ERGIC2: variants seen among roughly 807,000 people sequenced by gnomAD.
ERGIC2 encodes the protein endoplasmic reticulum-Golgi intermediate compartment protein 2.
In ERGIC2, 31 loss-of-function variants were observed where a neutral mutation model predicts 52.5. The observed-to-expected ratio is 0.59, with a 90% CI of 0.44 to 0.80. The LOEUF is 0.80. Ranked by LOEUF, ERGIC2 falls within the 30% of genes least tolerant of loss-of-function variation. ERGIC2 has a pLI of 0.00. For synonymous variants in ERGIC2, 129 were observed against 140.6 expected, an observed-to-expected ratio of 0.92 and a Z score of 0.58; for missense variants, 395 against 455.2, an observed-to-expected ratio of 0.87 and a Z score of 1.20.
chr12:29,356,953 C>T (rs909834570), intron 7 of ERGIC2, among the ~76,000 whole-genome samples: 13 of 151,620 alleles, frequency 8.6e-5, no homozygotes. Context: ...ATAGCATTTC[C>T]AAATATCCAC....
At chr12:29,363,362 G>T (rs1940312395) in intron 5 of ERGIC2, among the ~76,000 whole-genome samples, 1 of 151,774 alleles carries the variant, frequency 6.6e-6, no homozygotes, top group Admixed American at 6.6e-5. Context: ...TTAAAATAAT[G>T]AGTGAAAAAT....
At chr12:29,374,808 C>T (rs1348199828) in intron 1 of ERGIC2, among the ~76,000 whole-genome samples, 1 of 152,184 alleles carries the variant, frequency 6.6e-6, no homozygotes, top group African/African-American at 2.4e-5. Flanking sequence ...CAATCTATCA[C>T]TACATTGCTT....
At chr12:29,354,792 T>A (rs1415629701) in intron 8 of ERGIC2, among the ~76,000 whole-genome samples, 1 of 152,164 alleles carries the variant, frequency 6.6e-6, no homozygotes, top group Non-Finnish European at 1.5e-5. Flanking sequence ...GATTATAATA[T>A]TTGTCAAAAT....
At chr12:29,368,410 T>G in intron 3 of ERGIC2, 123 bp from the exon 4 acceptor site, 1 of 580,600 alleles carries the variant, frequency 1.7e-6, no homozygotes, top group Non-Finnish European at 3.1e-6. Context: ...GATTAGAACT[T>G]GAATTGCATT....
chr12:29,348,543 T>TA (rs1287103070), intron 10 of ERGIC2, among the ~76,000 whole-genome samples: 1 of 151,996 alleles, frequency 6.6e-6, no homozygotes, highest in Non-Finnish European at 1.5e-5. Flanking sequence ...AGCAGAAGGT[T>TA]AAATAGAACA....
chr12:29,376,076 T>A (rs892782763), intron 1 of ERGIC2, among the ~76,000 whole-genome samples: 2 of 152,258 alleles, frequency 1.3e-5, no homozygotes, highest in Non-Finnish European at 2.9e-5. Flanking sequence ...AGAAGTATCA[T>A]GTTTTACCAT....
intron 3 of ERGIC2, 150 bp downstream of exon 3, chr12:29,369,964 G>T (rs921287853): frequency 8.7e-6 from 5 of 572,284 alleles, no homozygotes; most frequent in Non-Finnish European, 1.3e-5. Flanking sequence ...TTCACTTAAT[G>T]CATGCAATTA....
At chr12:29,354,971 G>A (rs539314328) in intron 8 of ERGIC2, among the ~76,000 whole-genome samples, 70 of 152,214 alleles carry the variant, frequency 4.6e-4, no homozygotes, top group African/African-American at 1.6e-3. Context: ...AATTTCAAGA[G>A]ATAATGAGGA....
At chr12:29,353,590 C>T (rs897165237) in intron 8 of ERGIC2, among the ~76,000 whole-genome samples, 1 of 152,038 alleles carries the variant, frequency 6.6e-6, no homozygotes, top group Non-Finnish European at 1.5e-5. Flanking sequence ...ATTTTGAATG[C>T]TCCAAATTTG....
intron 6 of ERGIC2, among the ~76,000 whole-genome samples, chr12:29,359,370 T>C (rs143659268): frequency 5.5e-4 from 83 of 152,162 alleles, no homozygotes; most frequent in Non-Finnish European, 6.8e-4. Context: ...CAACAAACTA[T>C]ACATACGTGT....
In ERGIC2 at chr12:29,349,993, A is replaced by T. The variant is rs1217701456; in HGVS notation, c.628+20T>A. ...TTTTTCAAGTACATCTTTACTGAAA[A>T]AAAGTCAGAATCTGCTTACATTCAT... is the stretch of plus-strand genomic sequence containing the variant. On this transcript the variant is annotated intron_variant, in intron 9 of 13. Coordinates refer to ENST00000360150, the MANE Select transcript of ERGIC2 (RefSeq NM_016570.3). The T allele has an allele frequency of 6.5e-7, 1 of 1,548,024 alleles. No homozygotes were observed. Among genetic ancestry groups the T allele is most frequent in the Admixed American group, 1.7e-5 (1 of 59,246 alleles).
rs1050896691 is a variant in ERGIC2, at chr12:29,337,842, T to C, written c.*3314A>G. 1 of 152,140 alleles carries C rather than the reference T, an allele frequency of 6.6e-6. No homozygotes were observed. Among genetic ancestry groups the C allele is most frequent in the South Asian group, 2.1e-4 (1 of 4,830 alleles). 9.4% of individuals were successfully genotyped at this position (152,140 alleles called of 1,614,324 possible). ...GTACTTGAATTACTAACTCAGGACA[T>C]AGATGGAATGCACAGTGTATCTCTC... On this transcript the variant is annotated 3_prime_UTR_variant, in exon 14 of 14. Transcript: ENST00000360150.
intron 10 of ERGIC2, among the ~76,000 whole-genome samples, chr12:29,348,329 A>G (rs890841475): frequency 3.3e-5 from 5 of 152,228 alleles, no homozygotes; most frequent in African/African-American, 1.2e-4. Flanking sequence ...ATCCTTAATT[A>G]CAATTTTACA....
At chr12:29,377,494 A>T (rs1412473604) in intron 1 of ERGIC2, among the ~76,000 whole-genome samples, 2 of 152,218 alleles carry the variant, frequency 1.3e-5, no homozygotes, top group African/African-American at 4.8e-5. Context: ...ATGCTATGTA[A>T]ATAGTTGTAC....
At chr12:29,355,276 C>T (rs1367145313) in intron 8 of ERGIC2, among the ~76,000 whole-genome samples, 1 of 152,100 alleles carries the variant, frequency 6.6e-6, no homozygotes, top group Non-Finnish European at 1.5e-5. Flanking sequence ...TTAATGTATT[C>T]ACTGCTTAAG....
intron 11 of ERGIC2, among the ~76,000 whole-genome samples, chr12:29,344,989 G>A (rs1207712875): frequency 1.3e-5 from 2 of 152,244 alleles, no homozygotes; most frequent in Middle Eastern, 3.4e-3. Flanking sequence ...ATTAATTTAG[G>A]AAGGCAAACC....
chr12:29,378,129 G>T (rs1012704614), intron 1 of ERGIC2, among the ~76,000 whole-genome samples: 1 of 152,152 alleles, frequency 6.6e-6, no homozygotes, highest in African/African-American at 2.4e-5. Context: ...TACTGGATCA[G>T]GGTGCTCCAA....
intron 5 of ERGIC2, among the ~76,000 whole-genome samples, chr12:29,362,538 A>C (rs557516896): frequency 6.6e-6 from 1 of 152,122 alleles, no homozygotes; most frequent in Admixed American, 6.6e-5. Flanking sequence ...TGGAAGTTGC[A>C]GTGAGCAGAG....
chr12:29,341,807 T>C lies in ERGIC2; in HGVS notation c.998A>G (p.His333Arg), dbSNP rs1451168751. Reference sequence around the variant, plus strand: ...TTCAACTATAAATTTTCCAATTCCATGTAACATGCCTGTAATAAACAATAA... The same window carrying C: ...TTCAACTATAAATTTTCCAATTCCACGTAACATGCCTGTAATAAACAATAA... ...GGIFSTTGML[H>R]GIGKFIVEII... The change falls in exon 13 of 14, where the codon CAT (histidine) becomes CGT (arginine). Residue 333 changes from histidine to arginine, a missense_variant. Transcript: ENST00000360150. The C allele has an allele frequency of 1.9e-6, 3 of 1,545,426 alleles. No homozygotes were observed. Among genetic ancestry groups the C allele is most frequent in the Admixed American group, 3.3e-5 (2 of 59,884 alleles).
Sources: gnomAD v4.1 joint callset for allele counts (sites outside exome capture counted in the v4.1 genomes callset) on GRCh38, gnomAD v4.1.1 for gene constraint, MANE v1.5 for transcripts, NCBI Gene and HGNC (gene_info 2026-07-23, HGNC 2026-07-21) for gene names.